CDKAL1: variants seen among roughly 807,000 people sequenced by gnomAD.
CDKAL1 encodes the protein CDKAL1 threonylcarbamoyladenosine tRNA methylthiotransferase, also known as threonylcarbamoyladenosine tRNA methylthiotransferase.
CDKAL1 carries 32 observed loss-of-function variants against 68.2 expected under a neutral mutation model. The observed-to-expected ratio is 0.47, with a 90% CI of 0.35 to 0.63. The LOEUF (loss-of-function observed/expected upper bound fraction) is 0.63. Among genes scored for constraint, CDKAL1 ranks in the 30% least tolerant of loss-of-function variants. The probability of loss-of-function intolerance (pLI) is 0.00; values close to 1 mark genes in which losing one functional copy is unlikely to be tolerated. For synonymous variants in CDKAL1, 234 were observed against 244.3 expected (o/e 0.96, Z 0.39); for missense variants, 606 against 696.7 (o/e 0.87, Z 1.47).
intron 5 of CDKAL1, among the ~76,000 whole-genome samples, chr6:20,702,635 G>A (rs1158624502): frequency 6.6e-6 from 1 of 152,080 alleles, no homozygotes; most frequent in African/African-American, 2.4e-5. Context: ...CCCTCTGGAC[G>A]TCCTCTCGAT....
chr6:20,976,636 C>G (rs1020549059), intron 10 of CDKAL1, among the ~76,000 whole-genome samples: 1 of 152,164 alleles, frequency 6.6e-6, no homozygotes, highest in Admixed American at 6.5e-5. Flanking sequence ...TTTCTAGAAT[C>G]TCATGTGATT....
chr6:21,031,720 C>A (rs1443061434), intron 11 of CDKAL1, among the ~76,000 whole-genome samples: 1 of 152,064 alleles, frequency 6.6e-6, no homozygotes, highest in African/African-American at 2.4e-5. Flanking sequence ...CTGCCCCATG[C>A]TTTAGAGGTA....
intron 12 of CDKAL1, among the ~76,000 whole-genome samples, chr6:21,090,106 A>G (rs1244579304): frequency 1.3e-5 from 2 of 152,220 alleles, no homozygotes; most frequent in Non-Finnish European, 2.9e-5. Context: ...CTATAAGTAA[A>G]TAGACACCTG....
At chr6:21,068,383 A>T (rs1054531156) in intron 12 of CDKAL1, among the ~76,000 whole-genome samples, 1 of 152,062 alleles carries the variant, frequency 6.6e-6, no homozygotes, top group Non-Finnish European at 1.5e-5. Flanking sequence ...ATTTATTTTA[A>T]TTTAAGGTAT....
At chr6:20,979,692 G>A (rs2150770735) in intron 10 of CDKAL1, among the ~76,000 whole-genome samples, 1 of 151,804 alleles carries the variant, frequency 6.6e-6, no homozygotes, top group East Asian at 1.9e-4. Flanking sequence ...TTGCTGAGTG[G>A]TATTGACACT....
At chr6:20,963,993 A>C (rs1765177725) in intron 10 of CDKAL1, among the ~76,000 whole-genome samples, 1 of 152,194 alleles carries the variant, frequency 6.6e-6, no homozygotes, top group Non-Finnish European at 1.5e-5. Context: ...AAAACTGGGC[A>C]AAAAACATGA....
At chr6:20,754,395 T>A (rs2745931) in intron 6 of CDKAL1, among the ~76,000 whole-genome samples, 24,040 of 152,148 alleles carry the variant, frequency 0.16, 2,094 homozygotes, top group East Asian at 0.34. Flanking sequence ...TAACCATTTT[T>A]AACTGATGTG....
chr6:20,918,598 CT>C (rs1762821020), intron 9 of CDKAL1, among the ~76,000 whole-genome samples: 1 of 152,166 alleles, frequency 6.6e-6, no homozygotes, highest in African/African-American at 2.4e-5. Context: ...ATGATTCTAC[CT>C]AGATGTAAGG....
chr6:21,121,785 C>T (rs1390594564), intron 13 of CDKAL1, among the ~76,000 whole-genome samples: 2 of 152,116 alleles, frequency 1.3e-5, no homozygotes, highest in African/African-American at 4.8e-5. Flanking sequence ...GTTTTTTTCC[C>T]CAACACCAAA....
intron 9 of CDKAL1, among the ~76,000 whole-genome samples, chr6:20,862,380 A>G (rs9356757): frequency 0.69 from 105,557 of 152,100 alleles, 37,326 homozygotes; most frequent in Non-Finnish European, 0.76. Flanking sequence ...GACCTTAAGA[A>G]AGTTACTTAC....
intron 12 of CDKAL1, among the ~76,000 whole-genome samples, chr6:21,092,077 G>A (rs1442128935): frequency 6.6e-6 from 1 of 150,668 alleles, no homozygotes; most frequent in Non-Finnish European, 1.5e-5. Flanking sequence ...TAGTAGAGAC[G>A]GGGTTTCACC....
intron 12 of CDKAL1, among the ~76,000 whole-genome samples, chr6:21,091,880 TTTTTTTTTTTTTTTTTTTTTTTTTGA>T: frequency 7.6e-5 from 1 of 13,216 alleles, no homozygotes; most frequent in Non-Finnish European, 1.8e-4. Flanking sequence ...TTTTTTTTTT[TTTTTTTTTTTTTTTTTTTTTTTTTGA>T]GACGGAGGCT....
chr6:21,009,220 TTG>T (rs1767886852), intron 11 of CDKAL1, among the ~76,000 whole-genome samples: 1 of 152,174 alleles, frequency 6.6e-6, no homozygotes, highest in Non-Finnish European at 1.5e-5. Flanking sequence ...AAGCTCTAGC[TTG>T]TGGATCTCCA....
intron 11 of CDKAL1, among the ~76,000 whole-genome samples, chr6:21,031,123 G>C (rs1007209438): frequency 6.6e-6 from 1 of 152,004 alleles, no homozygotes; most frequent in African/African-American, 2.4e-5. Context: ...CTTGGGCTCA[G>C]GGTCCTCTCC....
chr6:21,063,885 A>G (rs995029836), intron 11 of CDKAL1, among the ~76,000 whole-genome samples: 1 of 152,142 alleles, frequency 6.6e-6, no homozygotes, highest in Non-Finnish European at 1.5e-5. Context: ...ATAATATCAG[A>G]AAACTTCCTC....
chr6:20,697,937 C>T (rs528830326), intron 5 of CDKAL1, among the ~76,000 whole-genome samples: 6 of 152,300 alleles, frequency 3.9e-5, no homozygotes, highest in Non-Finnish European at 5.9e-5. Flanking sequence ...GTTTGAGTTA[C>T]GTGCATCTCA....
chr6:20,846,220 T>G, intron 9 of CDKAL1, 42 bp downstream of exon 9: 1 of 1,232,034 alleles, frequency 8.1e-7, no homozygotes, highest in Non-Finnish European at 1.2e-6. Flanking sequence ...GTCTTCTTAA[T>G]AAATTATGTT....
intron 15 of CDKAL1, among the ~76,000 whole-genome samples, chr6:21,224,282 T>C (rs1253114753): frequency 6.6e-6 from 1 of 152,082 alleles, no homozygotes; most frequent in Non-Finnish European, 1.5e-5. Context: ...ATCACAAAGG[T>C]CCTGATAAAA....
At chr6:20,884,598 G>C (rs1244555341) in intron 9 of CDKAL1, among the ~76,000 whole-genome samples, 1 of 152,142 alleles carries the variant, frequency 6.6e-6, no homozygotes, top group Non-Finnish European at 1.5e-5. Context: ...CCTAAATATA[G>C]AAGATCCCAA....
Sources: allele counts gnomAD v4.1 joint callset (sites outside exome capture counted in the v4.1 genomes callset), GRCh38; gene constraint gnomAD v4.1.1; transcripts MANE v1.5; gene names NCBI Gene and HGNC (gene_info 2026-07-23, HGNC 2026-07-21).